CTNNA2: variants seen among roughly 807,000 people sequenced by gnomAD.
CTNNA2 encodes the protein catenin alpha-2.
A neutral mutation model predicts 101.0 loss-of-function variants in CTNNA2; 42 were observed. The observed-to-expected ratio is 0.42, with a 90% CI of 0.32 to 0.54. CTNNA2 has a LOEUF of 0.54. Ranked by LOEUF, CTNNA2 falls within the 20% of genes least tolerant of loss-of-function variation. The probability of loss-of-function intolerance (pLI) is 0.14; values close to 1 mark genes in which losing one functional copy is unlikely to be tolerated. For missense variants in CTNNA2, 871 were observed against 1,223.1 expected, an observed-to-expected ratio of 0.71 and a Z score of 4.29; for synonymous variants, 450 against 456.4, an observed-to-expected ratio of 0.99 and a Z score of 0.18.
chr2:80,237,365 T>C (rs1709601617), intron 7 of CTNNA2, among the ~76,000 whole-genome samples: 1 of 152,094 alleles, frequency 6.6e-6, no homozygotes, highest in African/African-American at 2.4e-5. Context: ...TTAGGATGGG[T>C]TTATCAGGGT....
At chr2:79,395,534 T>G (rs1020251286) in intron 4 of CTNNA2, among the ~76,000 whole-genome samples, 1 of 152,178 alleles carries the variant, frequency 6.6e-6, no homozygotes, top group Non-Finnish European at 1.5e-5. Flanking sequence ...AATTTTTGAA[T>G]GTTGCCTTAG....
chr2:80,072,313 C>T (rs1439980367), intron 7 of CTNNA2, among the ~76,000 whole-genome samples: 2 of 151,918 alleles, frequency 1.3e-5, no homozygotes, highest in African/African-American at 4.8e-5. Context: ...CCTCTTTTCC[C>T]TCCCCCACCC....
intron 3 of CTNNA2, among the ~76,000 whole-genome samples, chr2:79,354,353 C>T (rs1202047773): frequency 6.6e-6 from 1 of 152,128 alleles, no homozygotes; most frequent in Non-Finnish European, 1.5e-5. Flanking sequence ...TCTCACATTT[C>T]TCAAAGGTTT....
chr2:79,894,966 G>T (rs1684596625), intron 6 of CTNNA2, among the ~76,000 whole-genome samples: 2 of 152,102 alleles, frequency 1.3e-5, no homozygotes, highest in African/African-American at 4.8e-5. Context: ...CAGTCTTCTG[G>T]AATGTTGGTA....
intron 3 of CTNNA2, among the ~76,000 whole-genome samples, chr2:79,829,414 C>CACACACACAG (rs1193420009): frequency 1.4e-4 from 17 of 120,842 alleles, no homozygotes; most frequent in Admixed American, 9.1e-4. Context: ...CACACACACA[C>CACACACACAG]AGACACAAAG....
intron 7 of CTNNA2, among the ~76,000 whole-genome samples, chr2:80,100,661 G>A (rs1184785306): frequency 3.9e-5 from 6 of 152,110 alleles, no homozygotes; most frequent in Non-Finnish European, 8.8e-5. Context: ...TGAAACACCC[G>A]GCATAGTGCC....
chr2:80,237,274 T>C (rs1709596492), intron 7 of CTNNA2, among the ~76,000 whole-genome samples: 1 of 152,224 alleles, frequency 6.6e-6, no homozygotes, highest in Non-Finnish European at 1.5e-5. Flanking sequence ...TCTGCATTTT[T>C]GCTAAAAAAT....
intron 2 of CTNNA2, among the ~76,000 whole-genome samples, chr2:79,302,612 T>C (rs531571352): frequency 6.6e-6 from 1 of 152,302 alleles, no homozygotes; most frequent in African/African-American, 2.4e-5. Flanking sequence ...CAAATGTGAC[T>C]GTAATTCCTT....
chr2:79,901,896 G>A (rs559186267), intron 6 of CTNNA2, among the ~76,000 whole-genome samples: 1 of 152,264 alleles, frequency 6.6e-6, no homozygotes, highest in African/African-American at 2.4e-5. Flanking sequence ...CTCAATTACA[G>A]CTGAGTACAA....
At chr2:79,898,294 CA>C in intron 6 of CTNNA2, among the ~76,000 whole-genome samples, 1 of 152,046 alleles carries the variant, frequency 6.6e-6, no homozygotes, top group Admixed American at 6.5e-5. Flanking sequence ...CCACCATGCC[CA>C]GGTAAGTTTT....
At position 80,286,234 on chromosome 2, in the gene CTNNA2, C is replaced by T. The variant is rs570683076; in HGVS notation, c.1057-106977C>T. On this transcript the variant is annotated intron_variant, in intron 7 of 18. Coordinates refer to ENST00000402739, the MANE Select transcript of CTNNA2 (RefSeq NM_001282597.3). Reference sequence around the variant, plus strand: ...CCATGACCCAGCCTCCTAAGGAGCCCTCCGTACCCATTCCCCTATGGAGTC... The same window carrying T: ...CCATGACCCAGCCTCCTAAGGAGCCTTCCGTACCCATTCCCCTATGGAGTC... Among the ~76,000 whole-genome samples the T allele has an allele frequency of 3.9e-5, 6 of 152,246 alleles. No homozygotes were observed. The East Asian group carries it at 1.2e-3, about 30-fold the overall frequency.
intron 6 of CTNNA2, among the ~76,000 whole-genome samples, chr2:79,889,271 T>C (rs1045782345): frequency 6.6e-6 from 1 of 152,260 alleles, no homozygotes; most frequent in African/African-American, 2.4e-5. Flanking sequence ...CCTGAACTTC[T>C]TTTCCAGCAG....
At chr2:79,738,455 G>A (rs1671056281) in intron 2 of CTNNA2, among the ~76,000 whole-genome samples, 1 of 152,208 alleles carries the variant, frequency 6.6e-6, no homozygotes, top group South Asian at 2.1e-4. Context: ...AGTTCTGGAG[G>A]ATGTGATTAG....
At chr2:80,275,039 T>A (rs1360258205) in intron 7 of CTNNA2, among the ~76,000 whole-genome samples, 1 of 152,190 alleles carries the variant, frequency 6.6e-6, no homozygotes, top group African/African-American at 2.4e-5. Flanking sequence ...CATTAGATAA[T>A]TTAGTTTGTA....
chr2:80,345,182 G>GTC (rs1264904160), intron 7 of CTNNA2, among the ~76,000 whole-genome samples: 1 of 152,114 alleles, frequency 6.6e-6, no homozygotes, highest in African/African-American at 2.4e-5. Context: ...CATTACAGTG[G>GTC]TCTATAGCTG....
intron 7 of CTNNA2, among the ~76,000 whole-genome samples, chr2:80,055,959 G>T (rs1339369920): frequency 2.6e-5 from 4 of 152,132 alleles, no homozygotes; most frequent in African/African-American, 7.2e-5. Context: ...ATCTGGAAGG[G>T]TTTAGTACAG....
chr2:80,096,903 T>C (rs1436064112), intron 7 of CTNNA2, among the ~76,000 whole-genome samples: 1 of 152,240 alleles, frequency 6.6e-6, no homozygotes, highest in Non-Finnish European at 1.5e-5. Flanking sequence ...TGTGTGTCTC[T>C]GCATGTGAGA....
chr2:79,488,318 C>CAAA lies in CTNNA2; in HGVS notation c.-134-16713_-134-16711dup, dbSNP rs61641596. Among the ~76,000 whole-genome samples, 613 of 98,850 alleles carry CAAA rather than the reference C, an allele frequency of 6.2e-3. 2 individuals are homozygous for CAAA. Among genetic ancestry groups the CAAA allele is most frequent in the Non-Finnish European group, 7.5e-3 (341 of 45,354 alleles). 64.8% of individuals were successfully genotyped at this position (98,850 alleles called of 152,430 possible). On this transcript the variant is annotated intron_variant, in intron 4 of 21. Coordinates refer to the CTNNA2 transcript ENST00000466387. Reference sequence around the variant, plus strand: ...GGGCAACAAGAGTGAAACTCCATCTCAAAAAAAAAAAAAAAAAAAAAAAAA... The same window carrying CAAA: ...GGGCAACAAGAGTGAAACTCCATCTCAAAAAAAAAAAAAAAAAAAAAAAAAAAA...
At chr2:80,530,036 T>A (rs1690394743) in intron 9 of CTNNA2, among the ~76,000 whole-genome samples, 1 of 152,112 alleles carries the variant, frequency 6.6e-6, no homozygotes, top group Non-Finnish European at 1.5e-5. Context: ...CATGGTCTCC[T>A]GAGAGCCTGA....
Sources: gnomAD v4.1 joint callset for allele counts (sites outside exome capture counted in the v4.1 genomes callset) on GRCh38, gnomAD v4.1.1 for gene constraint, MANE v1.5 for transcripts, NCBI Gene and HGNC (gene_info 2026-07-23, HGNC 2026-07-21) for gene names.